The following PACRGL variants were observed in gnomAD, a reference collection of about 807,000 sequenced individuals.
PACRGL encodes the protein PACRG-like protein.
Under a neutral mutation model 34.5 loss-of-function variants are expected in PACRGL, and 38 were observed. The ratio of observed to expected loss-of-function variants is 1.10; its 90% CI spans 0.85 to 1.44. The LOEUF (loss-of-function observed/expected upper bound fraction) is 1.44. Ranked by LOEUF, PACRGL falls within the 40% of genes most tolerant of loss-of-function variation. The probability of loss-of-function intolerance (pLI) is 0.00; values close to 1 mark genes in which losing one functional copy is unlikely to be tolerated. For synonymous variants in PACRGL, 128 were observed against 100.1 expected (o/e 1.28, Z -1.66); for missense variants, 305 against 281.4 (o/e 1.08, Z -0.60).
chr4:20,761,389 T>A, the PACRGL span, among the ~76,000 whole-genome samples: 1 of 152,244 alleles, frequency 6.6e-6, no homozygotes, highest in Admixed American at 6.5e-5. Flanking sequence ...AGGTGGTATG[T>A]ATACAGCTAA....
intron 7 of PACRGL, among the ~76,000 whole-genome samples, chr4:20,713,792 T>C (rs990277378): frequency 8.5e-5 from 13 of 152,222 alleles, no homozygotes; most frequent in African/African-American, 1.4e-4. Context: ...TCAGTTTCCA[T>C]GTAGCTGAGC....
At chr4:20,702,857 T>A (rs1182702392) in intron 1 of PACRGL, 1 of 152,234 alleles carries the variant, frequency 6.6e-6, no homozygotes, top group African/African-American at 2.4e-5. Context: ...AGGTGAAGTG[T>A]GATACTGGGA....
intron 8 of PACRGL, among the ~76,000 whole-genome samples, chr4:20,739,219 A>G (rs1265105774): frequency 6.6e-6 from 1 of 152,224 alleles, no homozygotes; most frequent in African/African-American, 2.4e-5. Flanking sequence ...CCTGTCTGAC[A>G]GCTTTGAAGA....
chr4:20,731,923 C>G lies in PACRGL; in HGVS notation c.*4582C>G, dbSNP rs1011331669. On this transcript the variant is annotated 3_prime_UTR_variant, in exon 9 of 9. Transcript: ENST00000503585. ...TAGGCATATGATCTCTATATTTCGC[C>G]CAGTTCATGGTAGCTAGCTGCTAAT... 6.4e-7 allele frequency: 1 copy of G among 1,570,146 alleles called. No individual in the cohort carries two copies. Among genetic ancestry groups the G allele is most frequent in the Non-Finnish European group, 8.6e-7 (1 of 1,157,410 alleles).
At chr4:20,721,124 T>C (rs1054651355) in intron 7 of PACRGL, among the ~76,000 whole-genome samples, 1 of 152,232 alleles carries the variant, frequency 6.6e-6, no homozygotes, top group African/African-American at 2.4e-5. Context: ...AGTCGGCTAC[T>C]GAAGCTTGTG....
At position 20,727,337 on chromosome 4, in the gene PACRGL, G is replaced by C; in HGVS notation, c.743G>C (p.Cys248Ser). ...ATTCCAACATACTGCTCCATATGCT[G>C]TTGAAGAAGGGAGCCAACAAAAATT... ...SKIPTYCSIC[C>S] The change falls in exon 9 of 9, where the codon TGT (cysteine) becomes TCT (serine). Residue 248 changes from cysteine to serine, a missense_variant. Physicochemically the swap from Cys to Ser is moderately radical, Grantham distance 112 (BLOSUM62 -1). Transcript: ENST00000503585. 1 of 1,611,712 alleles carries C rather than the reference G, an allele frequency of 6.2e-7. No individual in the cohort carries two copies. Among genetic ancestry groups the C allele is most frequent in the Non-Finnish European group, 8.5e-7 (1 of 1,178,108 alleles).
rs954826612 is a variant in PACRGL, at chr4:20,732,402, G to A, written c.*5061G>A. Among the ~76,000 whole-genome samples the A allele has an allele frequency of 1.3e-5, 2 of 152,144 alleles. No homozygotes were observed. Among genetic ancestry groups the A allele is most frequent in the African/African-American group, 4.8e-5 (2 of 41,434 alleles). On this transcript the variant is annotated 3_prime_UTR_variant, in exon 9 of 9. Coordinates refer to ENST00000503585, the MANE Select transcript of PACRGL (RefSeq NM_001258345.3). ...TCATCTGTAAAATGAGATTAATGAG[G>A]ATTTATAGGATTCTTGTAAAAACTG...
At chr4:20,739,836 A>C (rs1395276212) in intron 8 of PACRGL, among the ~76,000 whole-genome samples, 1 of 152,184 alleles carries the variant, frequency 6.6e-6, no homozygotes, top group African/African-American at 2.4e-5. Flanking sequence ...AAAGAAGCTA[A>C]AAACCTTGAG....
In PACRGL at chr4:20,727,281, A is replaced by T; in HGVS notation, c.691-4A>T. 1.2e-6 allele frequency: 2 copies of T among 1,609,488 alleles called. No homozygotes were observed. The highest frequency in any genetic ancestry group is 1.7e-6 in the Non-Finnish European group (2 of 1,176,032). On this transcript the variant is annotated splice_region_variant and splice_polypyrimidine_tract_variant and intron_variant, in intron 8 of 8. Coordinates refer to ENST00000503585, the MANE Select transcript of PACRGL (RefSeq NM_001258345.3). ...AATGATGCTCAATTTTTTTCTGTTG[A>T]CAGGGGAGCCTTAGCATCATCAAAT... is the stretch of plus-strand genomic sequence containing the variant.
intron 7 of PACRGL, among the ~76,000 whole-genome samples, chr4:20,721,853 G>A (rs1316383229): frequency 1.3e-5 from 2 of 152,238 alleles, no homozygotes; most frequent in Admixed American, 6.5e-5. Flanking sequence ...CTTCAAAGCT[G>A]TCAGACAGGG....
At chr4:20,761,765 T>C in the PACRGL span, among the ~76,000 whole-genome samples, 1 of 152,224 alleles carries the variant, frequency 6.6e-6, no homozygotes, top group African/African-American at 2.4e-5. Context: ...TATGCATGTG[T>C]TTTATGTTTA....
At chr4:20,741,381 A>G (rs987608316) in intron 8 of PACRGL, among the ~76,000 whole-genome samples, 3 of 152,260 alleles carry the variant, frequency 2.0e-5, no homozygotes, top group Non-Finnish European at 4.4e-5. Flanking sequence ...CTCTCAGACT[A>G]CAATGCAATC....
chr4:20,724,332 A>T (rs567635436), intron 7 of PACRGL, among the ~76,000 whole-genome samples: 1 of 152,306 alleles, frequency 6.6e-6, no homozygotes, highest in Non-Finnish European at 1.5e-5. Flanking sequence ...TACAGAGTGT[A>T]TACAGATTCA....
intron 8 of PACRGL, among the ~76,000 whole-genome samples, chr4:20,744,351 T>A (rs1286124571): frequency 6.6e-6 from 1 of 152,150 alleles, no homozygotes; most frequent in Non-Finnish European, 1.5e-5. Flanking sequence ...AAAGACTTGG[T>A]ACCAACCCAA....
intron 7 of PACRGL, 67 bp from the exon 8 acceptor site, chr4:20,724,736 ATTTAC>A (rs1364171018): frequency 1.2e-6 from 1 of 806,504 alleles, no homozygotes; most frequent in Non-Finnish European, 1.7e-6. Flanking sequence ...GCTCCTGAAG[ATTTAC>A]TTATGCGTAT....
At chr4:20,758,689 C>G in the PACRGL span, 1 of 703,482 alleles carries the variant, frequency 1.4e-6, no homozygotes, top group Non-Finnish European at 2.5e-6. Flanking sequence ...ATTATATACA[C>G]TTGCATGCTG....
At chr4:20,763,564 T>C in the PACRGL span, among the ~76,000 whole-genome samples, 1 of 152,176 alleles carries the variant, frequency 6.6e-6, no homozygotes. Flanking sequence ...TCACTTAATG[T>C]GTCTACCCCA....
downstream of PACRGL, chr4:20,752,980 T>C (rs999382916): frequency 4.6e-5 from 7 of 152,252 alleles, no homozygotes; most frequent in Non-Finnish European, 7.3e-5. Context: ...TCTCCGTCTA[T>C]GACCTCTTCG....
intron 7 of PACRGL, among the ~76,000 whole-genome samples, chr4:20,714,381 C>A (rs1249764840): frequency 6.6e-6 from 1 of 152,068 alleles, no homozygotes; most frequent in Non-Finnish European, 1.5e-5. Flanking sequence ...TTATTTTGAG[C>A]CTATGTGTGT....
Sources: allele counts gnomAD v4.1 joint callset (sites outside exome capture counted in the v4.1 genomes callset), GRCh38; gene constraint gnomAD v4.1.1; transcripts MANE v1.5; gene names NCBI Gene and HGNC (gene_info 2026-07-23, HGNC 2026-07-21).